Variants in DARS2 observed in about 807,000 individuals in gnomAD.
DARS2 encodes the protein aspartate--tRNA ligase, mitochondrial.
A neutral mutation model predicts 83.0 loss-of-function variants in DARS2; 63 were observed. The ratio of observed to expected loss-of-function variants is 0.76; its 90% CI spans 0.62 to 0.94. The LOEUF (loss-of-function observed/expected upper bound fraction) is 0.94, where lower values mean the gene tolerates loss of function less well. Among genes scored for constraint, DARS2 ranks in the 40% least tolerant of loss-of-function variants. DARS2 has a pLI of 0.00. For synonymous variants in DARS2, 250 were observed against 269.3 expected (o/e 0.93, Z 0.70); for missense variants, 675 against 774.4 (o/e 0.87, Z 1.52).
intron 13 of DARS2, 126 bp downstream of exon 13, chr1:173,850,605 C>CTTT (rs66665709): frequency 1.8e-4 from 122 of 689,422 alleles, no homozygotes; most frequent in African/African-American, 5.3e-4. Context: ...CTGCATAAAT[C>CTTT]TTTTTTTTTT....
At chr1:173,827,229 G>C (rs781266829) in intron 2 of DARS2, among the ~76,000 whole-genome samples, 2 of 152,176 alleles carry the variant, frequency 1.3e-5, no homozygotes, top group Admixed American at 1.3e-4. Context: ...GATTCCTTAA[G>C]ATCAGAGCCC....
chr1:173,850,511 G>T lies in DARS2; in HGVS notation c.1344+32G>T, dbSNP rs188278786. The T allele has an allele frequency of 1.3e-4, 206 of 1,603,326 alleles. No homozygotes were observed. The East Asian group carries it at 4.4e-3, about 35-fold the overall frequency. ...AAAATTACTTCCAAGCATCAGTGCT[G>T]TTGATGCTGAACAATGCCTTACTCT... On this transcript the variant is annotated intron_variant, in intron 13 of 16. Coordinates refer to ENST00000649689, the MANE Select transcript of DARS2 (RefSeq NM_018122.5).
At position 173,826,800 on chromosome 1, in the gene DARS2, G is replaced by C; in HGVS notation, c.227+14G>C. 2 of 1,577,990 alleles carry C rather than the reference G, an allele frequency of 1.3e-6. No individual in the cohort carries two copies. The highest frequency in any genetic ancestry group is 1.1e-5 in the South Asian group (1 of 90,364). ...TCAGTACCGAAGGTAAATTGAGAAAGACAGTCTAAGAATGCATGGTGGTGG... is the reference window on the plus strand; with the variant it reads ...TCAGTACCGAAGGTAAATTGAGAAACACAGTCTAAGAATGCATGGTGGTGG... On this transcript the variant is annotated intron_variant, in intron 2 of 16. Coordinates refer to ENST00000649689, the MANE Select transcript of DARS2 (RefSeq NM_018122.5).
At position 173,853,404 on chromosome 1, in the gene DARS2, G is replaced by C; in HGVS notation, c.1400G>C (p.Gly467Ala). 6.2e-7 allele frequency: 1 copy of C among 1,613,996 alleles called. No individual in the cohort carries two copies. The highest frequency in any genetic ancestry group is 1.7e-4 in the Middle Eastern group (1 of 6,044). The change falls in exon 14 of 17, where the codon GGA becomes GCA. Residue 467 changes from glycine (G) to alanine (A), a missense_variant. By Grantham distance (60) the Gly-to-Ala change is moderately conservative. Transcript: ENST00000649689. The stretch of plus-strand genomic sequence containing the variant: ...TGTGCTGACCTTCTAGAAACAAGAG[G>C]AGTGGTGCTCCGTGACCCCACTCTG... Reference protein sequence around the residue: ...LECADLLETRGVVLRDPTLFS... With the variant: ...LECADLLETRAVVLRDPTLFS...
chr1:173,845,852 T>C (rs1368887585), intron 12 of DARS2, among the ~76,000 whole-genome samples: 1 of 151,594 alleles, frequency 6.6e-6, no homozygotes, highest in Non-Finnish European at 1.5e-5. Flanking sequence ...CGAAACCCCA[T>C]CTCTACTAAA....
At chr1:173,833,278 A>T (rs1186053288) in intron 5 of DARS2, 98 bp from the exon 6 acceptor site, 1 of 1,095,088 alleles carries the variant, frequency 9.1e-7, no homozygotes, top group Non-Finnish European at 1.3e-6. Flanking sequence ...GAAACTAAAG[A>T]CAGAGCTAAA....
intron 1 of DARS2, among the ~76,000 whole-genome samples, chr1:173,826,223 CAA>C (rs374688029): frequency 3.9e-4 from 48 of 124,562 alleles, no homozygotes; most frequent in African/African-American, 1.1e-3. Context: ...GACTCCATCT[CAA>C]AAAAAAAAAA....
intron 12 of DARS2, among the ~76,000 whole-genome samples, chr1:173,847,951 C>G (rs1388553681): frequency 1.4e-5 from 2 of 146,342 alleles, no homozygotes; most frequent in African/African-American, 5.0e-5. Flanking sequence ...CTCCCAGGTT[C>G]ACGCCGTTCT....
chr1:173,855,716 G>C (rs1348184444), intron 15 of DARS2, among the ~76,000 whole-genome samples: 1 of 151,326 alleles, frequency 6.6e-6, no homozygotes, highest in Non-Finnish European at 1.5e-5. Flanking sequence ...GCAGTGGCGT[G>C]ATCTTGGTTC....
At chr1:173,838,101 T>G (rs371454270) in intron 8 of DARS2, 89 bp from the exon 9 acceptor site, 1 of 1,054,986 alleles carries the variant, frequency 9.5e-7, no homozygotes. Context: ...TATCATTGTT[T>G]TATAGCTTGC....
intron 10 of DARS2, among the ~76,000 whole-genome samples, chr1:173,840,118 A>C (rs1653150664): frequency 6.6e-6 from 1 of 152,220 alleles, no homozygotes; most frequent in Non-Finnish European, 1.5e-5. Context: ...TGGTCTGTGA[A>C]TAGTCAGTGG....
rs537759436 is a variant in DARS2, at chr1:173,857,983, G to A, written c.*278G>A. The A allele has an allele frequency of 2.6e-5, 11 of 428,166 alleles. No individual in the cohort carries two copies. In the East Asian group the frequency reaches 5.4e-4, roughly 21 times the overall value. The allele number at this position is 428,166 out of a possible 1,614,324, so 26.5% of individuals were successfully genotyped here. On this transcript the variant is annotated 3_prime_UTR_variant, in exon 17 of 17. Coordinates refer to ENST00000649689, the MANE Select transcript of DARS2 (RefSeq NM_018122.5). Reference sequence around the variant, plus strand: ...TGGTTCTTTGTTGAAATAATATAGTGGTTTAGTGTTTTCAAATCATGTTTC... The same window carrying A: ...TGGTTCTTTGTTGAAATAATATAGTAGTTTAGTGTTTTCAAATCATGTTTC...
At chr1:173,850,737 C>G (rs1359538372) in intron 13 of DARS2, among the ~76,000 whole-genome samples, 3 of 151,768 alleles carry the variant, frequency 2.0e-5, no homozygotes, top group African/African-American at 4.8e-5. Flanking sequence ...TCCTGAGTAG[C>G]TGGGATTACA....
chr1:173,851,922 T>C (rs1653685610), intron 13 of DARS2: 1 of 985,286 alleles, frequency 1.0e-6, no homozygotes, highest in Admixed American at 6.1e-5. Flanking sequence ...AAGCTATTTA[T>C]TTCCAAATTT....
chr1:173,827,153 A>G (rs915318156), intron 2 of DARS2, among the ~76,000 whole-genome samples: 5 of 152,206 alleles, frequency 3.3e-5, no homozygotes, highest in African/African-American at 1.2e-4. Flanking sequence ...TTAAACTCCA[A>G]TAGCATGGGG....
At chr1:173,837,643 T>G (rs928979792) in intron 8 of DARS2, among the ~76,000 whole-genome samples, 2 of 152,256 alleles carry the variant, frequency 1.3e-5, no homozygotes, top group African/African-American at 4.8e-5. Flanking sequence ...CTGATTTGCA[T>G]GCTAGTCTAA....
At chr1:173,837,778 CT>C (rs879536808) in intron 8 of DARS2, among the ~76,000 whole-genome samples, 3,817 of 146,448 alleles carry the variant, frequency 0.026, 158 homozygotes, top group African/African-American at 0.088. Context: ...GTATTTCTTA[CT>C]TTTTTTTTTT....
At position 173,857,572 on chromosome 1, in the gene DARS2, T is replaced by C. The variant is rs1209717904; in HGVS notation, c.1805T>C (p.Ile602Thr). The C allele has an allele frequency of 3.1e-6, 5 of 1,614,096 alleles. No homozygotes were observed. Among genetic ancestry groups the C allele is most frequent in the Middle Eastern group, 1.6e-4 (1 of 6,084 alleles). Residue 602 changes from isoleucine (I) to threonine (T), a missense_variant, in exon 17 of 17, where the codon ATA becomes ACA. Transcript: ENST00000649689. ...VTGSPSIRDVIAFPKSFRGHD... is the reference protein window; with the variant it reads ...VTGSPSIRDVTAFPKSFRGHD... ...GGATCTCCAAGCATCAGAGATGTCA[T>C]AGCCTTCCCAAAGTCCTTCCGGGGA...
At chr1:173,849,578 G>A (rs535548123) in intron 12 of DARS2, among the ~76,000 whole-genome samples, 1 of 151,086 alleles carries the variant, frequency 6.6e-6, no homozygotes, top group Admixed American at 6.6e-5. Context: ...GAGAGGCTTT[G>A]TAAATGGTTA....
Sources: gnomAD v4.1 joint callset for allele counts (sites outside exome capture counted in the v4.1 genomes callset) on GRCh38, gnomAD v4.1.1 for gene constraint, MANE v1.5 for transcripts, NCBI Gene and HGNC (gene_info 2026-07-23, HGNC 2026-07-21) for gene names.